Variants in RGS7 observed in about 807,000 individuals in gnomAD.
RGS7 encodes the protein regulator of G-protein signaling 7.
A neutral mutation model predicts 81.1 loss-of-function variants in RGS7; 27 were observed. That is an observed-to-expected ratio of 0.33 (90% CI 0.25 to 0.46). The LOEUF (loss-of-function observed/expected upper bound fraction) is 0.46, where lower values mean the gene tolerates loss of function less well. RGS7 is among the 20% of genes least tolerant of loss of function. The pLI is 1.00. For synonymous variants in RGS7, 208 were observed against 207.7 expected (o/e 1.00, Z -0.01); for missense variants, 396 against 607.4 (o/e 0.65, Z 3.66).
At chr1:240,993,530 C>T (rs1232105647) in intron 3 of RGS7, among the ~76,000 whole-genome samples, 2 of 152,112 alleles carry the variant, frequency 1.3e-5, no homozygotes, top group Non-Finnish European at 2.9e-5. Flanking sequence ...AACGTCTCTT[C>T]ATGTCTTTTG....
chr1:241,239,096 G>A (rs921066150), intron 2 of RGS7, among the ~76,000 whole-genome samples: 4 of 151,622 alleles, frequency 2.6e-5, no homozygotes, highest in Non-Finnish European at 4.4e-5. Flanking sequence ...AGCCTTCTGA[G>A]CAGCTGGGAC....
intron 2 of RGS7, among the ~76,000 whole-genome samples, chr1:241,257,792 T>G (rs1196516977): frequency 6.6e-6 from 1 of 152,206 alleles, no homozygotes; most frequent in Admixed American, 6.5e-5. Context: ...CACAGAGAAC[T>G]GAAATGCTTC....
intron 2 of RGS7, among the ~76,000 whole-genome samples, chr1:241,328,512 A>G (rs2081756851): frequency 6.6e-6 from 1 of 152,206 alleles, no homozygotes; most frequent in Non-Finnish European, 1.5e-5. Context: ...TGCCAATGCA[A>G]ACTCACATAA....
intron 6 of RGS7, among the ~76,000 whole-genome samples, chr1:240,910,542 T>TTGGA (rs1017252077): frequency 1.3e-5 from 2 of 152,134 alleles, no homozygotes; most frequent in African/African-American, 4.8e-5. Flanking sequence ...AACATGACTA[T>TTGGA]AGTTAACAAT....
chr1:240,917,302 T>G (rs926702743), intron 6 of RGS7, among the ~76,000 whole-genome samples: 1 of 152,114 alleles, frequency 6.6e-6, no homozygotes, highest in Non-Finnish European at 1.5e-5. Flanking sequence ...TGAAACTACA[T>G]AAAGAAAGGA....
intron 18 of RGS7, among the ~76,000 whole-genome samples, chr1:240,799,063 G>A (rs900921471): frequency 3.9e-5 from 6 of 152,054 alleles, no homozygotes; most frequent in African/African-American, 1.4e-4. Context: ...TGATACAGCT[G>A]CCGACCATGA....
intron 10 of RGS7, among the ~76,000 whole-genome samples, chr1:240,824,342 C>A (rs1211247672): frequency 6.6e-6 from 1 of 152,226 alleles, no homozygotes; most frequent in Non-Finnish European, 1.5e-5. Context: ...CTCCTTGCTA[C>A]GAGCATTATC....
chr1:240,994,845 T>A (rs1469620307), intron 3 of RGS7, among the ~76,000 whole-genome samples: 4 of 152,136 alleles, frequency 2.6e-5, no homozygotes, highest in Admixed American at 2.6e-4. Context: ...GCTAATTTTT[T>A]AAATTTTTGT....
intron 2 of RGS7, among the ~76,000 whole-genome samples, chr1:241,262,902 C>G (rs1374531908): frequency 6.6e-6 from 1 of 152,090 alleles, no homozygotes; most frequent in African/African-American, 2.4e-5. Flanking sequence ...AGTTCGAGAG[C>G]AGCCTGGCCA....
At chr1:241,282,020 G>A (rs2078541642) in intron 2 of RGS7, among the ~76,000 whole-genome samples, 1 of 152,198 alleles carries the variant, frequency 6.6e-6, no homozygotes, top group Non-Finnish European at 1.5e-5. Flanking sequence ...CCCTCAAGGA[G>A]TACATGTGCA....
At chr1:241,256,988 GTA>G (rs1019130211) in intron 2 of RGS7, among the ~76,000 whole-genome samples, 2 of 150,052 alleles carry the variant, frequency 1.3e-5, no homozygotes, top group Admixed American at 6.6e-5. Context: ...TATACATATT[GTA>G]TATATATGTG....
intron 3 of RGS7, among the ~76,000 whole-genome samples, chr1:241,048,253 A>G (rs2061052972): frequency 6.6e-6 from 1 of 152,166 alleles, no homozygotes; most frequent in Non-Finnish European, 1.5e-5. Context: ...AACCAGGCTC[A>G]GCCTCCCCCT....
intron 6 of RGS7, among the ~76,000 whole-genome samples, chr1:240,928,436 C>T (rs10926380): frequency 0.13 from 20,098 of 152,058 alleles, 3,861 homozygotes; most frequent in African/African-American, 0.43. Flanking sequence ...TGTAAATGAT[C>T]TGCTGTGTAG....
intron 2 of RGS7, among the ~76,000 whole-genome samples, chr1:241,134,909 G>C (rs1427468298): frequency 2.0e-5 from 3 of 151,226 alleles, no homozygotes; most frequent in Non-Finnish European, 2.9e-5. Flanking sequence ...GAAGCAGGAC[G>C]ACAGCCGGCC....
downstream of RGS7, chr1:240,775,397 G>A (rs1682795408): frequency 1.3e-5 from 2 of 152,148 alleles, no homozygotes; most frequent in African/African-American, 4.8e-5. Context: ...AGCTTGTCTT[G>A]AAACCTTGAA....
At chr1:240,871,927 T>C (rs1288554737) in intron 6 of RGS7, among the ~76,000 whole-genome samples, 1 of 152,186 alleles carries the variant, frequency 6.6e-6, no homozygotes, top group East Asian at 1.9e-4. Flanking sequence ...CCTTGCTTTA[T>C]TGGTTTTGCC....
At chr1:241,249,348 T>G (rs909813547) in intron 2 of RGS7, among the ~76,000 whole-genome samples, 1 of 152,078 alleles carries the variant, frequency 6.6e-6, no homozygotes, top group Non-Finnish European at 1.5e-5. Flanking sequence ...ATTTATCCTT[T>G]CCCCATTGAA....
chr1:240,983,078 C>A lies in RGS7; in HGVS notation c.226+1G>T. The A allele has an allele frequency of 6.6e-7, 1 of 1,524,210 alleles. No individual in the cohort carries two copies. Among genetic ancestry groups the A allele is most frequent in the Non-Finnish European group, 9.1e-7 (1 of 1,101,438 alleles). The allele number at this position is 1,524,210 out of a possible 1,614,324, so 94.4% of individuals were successfully genotyped here. A position where few individuals can be genotyped will look rare whatever the true frequency, so the allele number is the denominator to read the frequency against. ...TTGCAATGGGAAAATGATTTATTTACCTGGATCTTCTATAGTTAAGTTCTT... is the reference window on the plus strand; with the variant it reads ...TTGCAATGGGAAAATGATTTATTTAACTGGATCTTCTATAGTTAAGTTCTT... On this transcript the variant is annotated splice_donor_variant, in intron 4 of 18. Coordinates refer to ENST00000440928, the MANE Select transcript of RGS7 (RefSeq NM_001364886.1). LOFTEE classifies it high-confidence loss of function.
chr1:240,918,428 A>T (rs73116097), intron 6 of RGS7, among the ~76,000 whole-genome samples: 135 of 152,310 alleles, frequency 8.9e-4, no homozygotes, highest in African/African-American at 3.1e-3. Flanking sequence ...TTAAACTAGA[A>T]ATCAACAACA....
Sources: gnomAD v4.1 joint callset for allele counts (sites outside exome capture counted in the v4.1 genomes callset) on GRCh38, gnomAD v4.1.1 for gene constraint, MANE v1.5 for transcripts, NCBI Gene and HGNC (gene_info 2026-07-23, HGNC 2026-07-21) for gene names.